ZNFX1: variants seen among roughly 807,000 people sequenced by gnomAD.
The protein encoded by ZNFX1 is NFX1-type zinc finger-containing protein 1.
ZNFX1 carries 78 observed loss-of-function variants against 179.8 expected under a neutral mutation model. That is an observed-to-expected ratio of 0.43 (90% CI 0.36 to 0.52). The LOEUF is 0.52. Ranked by LOEUF, ZNFX1 falls within the 20% of genes least tolerant of loss-of-function variation. The probability of loss-of-function intolerance (pLI) is 0.00; values close to 1 mark genes in which losing one functional copy is unlikely to be tolerated. For synonymous variants in ZNFX1, 848 were observed against 868.5 expected, an observed-to-expected ratio of 0.98 and a Z score of 0.42; for missense variants, 1,927 against 2,386.6, an observed-to-expected ratio of 0.81 and a Z score of 4.01.
At chr20:49,264,613 G>A (rs1981193112) in intron 5 of ZNFX1, 103 bp downstream of exon 5, 12 of 1,444,584 alleles carry the variant, frequency 8.3e-6, no homozygotes, top group Non-Finnish European at 1.1e-5. Flanking sequence ...CCAGAGCTTT[G>A]AGGAGCCTCC....
intron 9 of ZNFX1, among the ~76,000 whole-genome samples, chr20:49,255,587 G>T (rs1419887722): frequency 6.6e-6 from 1 of 152,204 alleles, no homozygotes; most frequent in Non-Finnish European, 1.5e-5. Context: ...TAGGCTCCAC[G>T]AAGGTAATAA....
At chr20:49,261,809 C>T (rs1189200398) in intron 6 of ZNFX1, among the ~76,000 whole-genome samples, 2 of 151,826 alleles carry the variant, frequency 1.3e-5, no homozygotes, top group Non-Finnish European at 2.9e-5. Context: ...CCATGCCCGG[C>T]TAATTTTTTT....
chr20:49,249,446 T>C lies in ZNFX1; in HGVS notation c.3578A>G (p.Asp1193Gly). The C allele has an allele frequency of 3.1e-6, 5 of 1,614,254 alleles. No homozygotes were observed. The highest frequency in any genetic ancestry group is 4.2e-6 in the Non-Finnish European group (5 of 1,180,052). The stretch of plus-strand genomic sequence containing the variant: ...CCGCACTAGCGAGAGGAGGATGATG[T>C]CATTCTCTTCCCCTTGGTATTTGTC... Reference protein sequence around the residue: ...VVDKYQGEENDIILLSLVRSN... With the variant: ...VVDKYQGEENGIILLSLVRSN... Residue 1193 changes from aspartate (D) to glycine (G), a missense_variant, in exon 14 of 14, where the codon GAC becomes GGC. Transcript: ENST00000396105.
At chr20:49,262,949 T>A (rs775891418) in intron 6 of ZNFX1, among the ~76,000 whole-genome samples, 1 of 152,232 alleles carries the variant, frequency 6.6e-6, no homozygotes, top group Non-Finnish European at 1.5e-5. Flanking sequence ...TTTACAAATA[T>A]CACCTTGCTC....
chr20:49,260,352 A>T, intron 7 of ZNFX1, 111 bp downstream of exon 7: 1 of 562,276 alleles, frequency 1.8e-6, no homozygotes, highest in Non-Finnish European at 2.9e-6. Flanking sequence ...TCTTTCTCTG[A>T]TTGACTCATA....
intron 4 of ZNFX1, 141 bp downstream of exon 4, chr20:49,265,994 G>T: frequency 2.2e-6 from 2 of 891,152 alleles, no homozygotes; most frequent in Non-Finnish European, 1.7e-6. Context: ...TCACAGTCCA[G>T]CTGGGACAGA....
At chr20:49,273,375 G>A (rs1414791148) in intron 2 of ZNFX1, among the ~76,000 whole-genome samples, 2 of 151,616 alleles carry the variant, frequency 1.3e-5, no homozygotes, top group Non-Finnish European at 2.9e-5. Flanking sequence ...CTCGTGATCC[G>A]CCTGCCTCGG....
At chr20:49,269,630 G>A (rs553655661) in intron 3 of ZNFX1, among the ~76,000 whole-genome samples, 3 of 152,256 alleles carry the variant, frequency 2.0e-5, no homozygotes, top group Non-Finnish European at 1.5e-5. Context: ...GCAGTGAGCC[G>A]GAATCGTGCC....
At chr20:49,259,206 A>T (rs1489858693) in intron 7 of ZNFX1, among the ~76,000 whole-genome samples, 2 of 152,002 alleles carry the variant, frequency 1.3e-5, no homozygotes, top group African/African-American at 4.8e-5. Context: ...TGGAGGGCAT[A>T]CAATGTAAAT....
intron 2 of ZNFX1, among the ~76,000 whole-genome samples, chr20:49,272,636 T>C (rs970325565): frequency 6.6e-6 from 1 of 152,188 alleles, no homozygotes; most frequent in Non-Finnish European, 1.5e-5. Context: ...TAAACAATTA[T>C]CACAGCCAAC....
chr20:49,258,964 G>A (rs1383236431), intron 7 of ZNFX1, among the ~76,000 whole-genome samples: 2 of 151,398 alleles, frequency 1.3e-5, no homozygotes, highest in Non-Finnish European at 2.9e-5. Context: ...TAAGCTGGGT[G>A]TGGTGAGTGT....
In ZNFX1 at chr20:49,270,095, T is replaced by C; in HGVS notation, c.1717A>G (p.Asn573Asp). 6.2e-7 allele frequency: 1 copy of C among 1,614,234 alleles called. No individual in the cohort carries two copies. Among genetic ancestry groups the C allele is most frequent in the Non-Finnish European group, 8.5e-7 (1 of 1,180,040 alleles). The change falls in exon 3 of 14, where the codon AAT becomes GAT. Residue 573 changes from asparagine to aspartate, a missense_variant. Transcript: ENST00000396105. This position sits in a 1 kb window ranked among gnomAD's most constrained non-coding sequence, Gnocchi z 4.6. ...NPSATGEFLR[N>D]VEGLRHPRIN... ...CTGGGATGTCTCAAACCCTCGACAT[T>C]TCTTAGAAATTCCCCAGTGGCTGAA...
Position 49,249,244 on chromosome 20 carries a change from G to T in ZNFX1, c.3780C>A (p.Leu1260=). The change falls in exon 14 of 14, where the codon CTC becomes CTA. Residue 1260 remains leucine (L), a synonymous_variant. Transcript: ENST00000396105. The stretch of plus-strand genomic sequence containing the variant: ...CAGGGTGGTTCTGGCAGCAGAGCCG[G>T]AGCATGGGGCCTATTTGATTGTTCT... ...LRENNQIGPM[L]RLCCQNHPET... 6.2e-7 allele frequency: 1 copy of T among 1,614,236 alleles called. No individual in the cohort carries two copies. The highest frequency in any genetic ancestry group is 1.1e-5 in the South Asian group (1 of 91,082).
intron 9 of ZNFX1, 35 bp from the exon 10 acceptor site, chr20:49,254,684 C>T (rs1271067868): frequency 6.2e-7 from 1 of 1,606,396 alleles, no homozygotes; most frequent in Non-Finnish European, 8.5e-7. Context: ...AAGAAAGCCA[C>T]ATGCTCTTTG....
intron 2 of ZNFX1, among the ~76,000 whole-genome samples, chr20:49,275,040 G>T (rs1186375906): frequency 1.3e-5 from 2 of 149,306 alleles, no homozygotes; most frequent in East Asian, 2.1e-4. Context: ...GGAGAATGGC[G>T]TGAACCCGGG....
chr20:49,274,497 C>T (rs1981502256), intron 2 of ZNFX1, among the ~76,000 whole-genome samples: 1 of 152,182 alleles, frequency 6.6e-6, no homozygotes, highest in African/African-American at 2.4e-5. Flanking sequence ...GTGGCTCACG[C>T]CTGTAATGCT....
At chr20:49,275,935 C>T in intron 1 of ZNFX1, 48 bp from the exon 2 acceptor site, 1 of 1,262,540 alleles carries the variant, frequency 7.9e-7, no homozygotes, top group East Asian at 2.3e-5. Context: ...CATCTAGCAG[C>T]AAAAACCCAA....
intron 8 of ZNFX1, among the ~76,000 whole-genome samples, chr20:49,256,460 CTGCTA>C (rs1980973210): frequency 6.6e-6 from 1 of 152,164 alleles, no homozygotes; most frequent in African/African-American, 2.4e-5. Context: ...GGCACAGTGC[CTGCTA>C]AAACGGTCCT....
chr20:49,254,463 T>C (rs751974622), intron 10 of ZNFX1, 32 bp downstream of exon 10: 9 of 1,610,304 alleles, frequency 5.6e-6, no homozygotes, highest in Admixed American at 1.7e-5. Flanking sequence ...TGAACTTAGA[T>C]GCAACAGGCA....
Sources: gnomAD v4.1 joint callset for allele counts (sites outside exome capture counted in the v4.1 genomes callset) on GRCh38, gnomAD v4.1.1 for gene constraint, Gnocchi (gnomAD v3.1) non-coding constraint, MANE v1.5 for transcripts, NCBI Gene and HGNC (gene_info 2026-07-23, HGNC 2026-07-21) for gene names.